The following VWC2L variants were observed in gnomAD, a reference collection of about 807,000 sequenced individuals.
The protein encoded by VWC2L is von Willebrand factor C domain-containing protein 2-like.
Under a neutral mutation model 21.6 loss-of-function variants are expected in VWC2L, and 10 were observed. That is an observed-to-expected ratio of 0.46 (90% CI 0.29 to 0.78). VWC2L has a LOEUF of 0.78. Among genes scored for constraint, VWC2L ranks in the 30% least tolerant of loss-of-function variants. The pLI is 0.10. For missense variants in VWC2L, 209 were observed against 277.1 expected (o/e 0.75, Z 1.74); for synonymous variants, 96 against 94.3 (o/e 1.02, Z -0.10).
intron 3 of VWC2L, among the ~76,000 whole-genome samples, chr2:214,476,994 T>C (rs1688534826): frequency 6.6e-6 from 1 of 152,158 alleles, no homozygotes; most frequent in African/African-American, 2.4e-5. Context: ...CTCAGGAAAC[T>C]AACTTTTATG....
intron 3 of VWC2L, among the ~76,000 whole-genome samples, chr2:214,565,514 G>A (rs1270423639): frequency 3.9e-5 from 6 of 152,016 alleles, no homozygotes; most frequent in African/African-American, 9.7e-5. Flanking sequence ...GTTTTCATTC[G>A]TCCTGCTTCT....
chr2:214,517,233 G>A (rs2105909122), intron 3 of VWC2L, among the ~76,000 whole-genome samples: 1 of 152,278 alleles, frequency 6.6e-6, no homozygotes, highest in South Asian at 2.1e-4. Context: ...CAGTACCCCA[G>A]ACTCTCAAGG....
intron 3 of VWC2L, among the ~76,000 whole-genome samples, chr2:214,468,203 G>C (rs1293629879): frequency 6.6e-6 from 1 of 152,134 alleles, no homozygotes; most frequent in Non-Finnish European, 1.5e-5. Flanking sequence ...TTTTATTAAA[G>C]ACGGAGTTTC....
intron 3 of VWC2L, among the ~76,000 whole-genome samples, chr2:214,551,262 A>G (rs772267980): frequency 1.3e-5 from 2 of 152,224 alleles, no homozygotes; most frequent in Non-Finnish European, 2.9e-5. Flanking sequence ...TATAAAGGAC[A>G]TTCAAGATAG....
intron 3 of VWC2L, among the ~76,000 whole-genome samples, chr2:214,451,196 C>T (rs990427995): frequency 1.3e-5 from 2 of 151,784 alleles, no homozygotes; most frequent in African/African-American, 4.8e-5. Context: ...CTTAACAAGG[C>T]CTCCAGAAAT....
At chr2:214,432,035 C>T (rs899433963) in intron 2 of VWC2L, among the ~76,000 whole-genome samples, 5 of 152,108 alleles carry the variant, frequency 3.3e-5, no homozygotes, top group African/African-American at 4.8e-5. Flanking sequence ...GACTCACAGT[C>T]GGAAACCTTT....
intron 3 of VWC2L, among the ~76,000 whole-genome samples, chr2:214,564,738 C>T (rs1690036028): frequency 6.6e-6 from 1 of 152,114 alleles, no homozygotes; most frequent in Admixed American, 6.5e-5. Context: ...TAAATGTATG[C>T]ATTGATTTAA....
chr2:214,445,262 GA>G (rs1702822054), intron 3 of VWC2L, among the ~76,000 whole-genome samples: 1 of 142,882 alleles, frequency 7.0e-6, no homozygotes, highest in Admixed American at 7.1e-5. Flanking sequence ...AATGAGAGAA[GA>G]ATTTTAAATG....
At chr2:214,502,076 G>C (rs554909493) in intron 3 of VWC2L, among the ~76,000 whole-genome samples, 19 of 152,344 alleles carry the variant, frequency 1.2e-4, no homozygotes, top group African/African-American at 3.6e-4. Flanking sequence ...TTTGGAGGTA[G>C]TTTGTCACAG....
At chr2:214,547,268 T>A (rs1689723518) in intron 3 of VWC2L, among the ~76,000 whole-genome samples, 1 of 152,076 alleles carries the variant, frequency 6.6e-6, no homozygotes, top group East Asian at 1.9e-4. Flanking sequence ...ATCCTCAAAC[T>A]TTTGAGTTTA....
intron 3 of VWC2L, among the ~76,000 whole-genome samples, chr2:214,538,458 G>A (rs1309066497): frequency 1.3e-5 from 2 of 152,090 alleles, no homozygotes; most frequent in East Asian, 1.9e-4. Context: ...AAGTAACTTC[G>A]TGGCTTCAAG....
At chr2:214,465,412 G>A (rs1465851012) in intron 3 of VWC2L, among the ~76,000 whole-genome samples, 2 of 152,182 alleles carry the variant, frequency 1.3e-5, no homozygotes, top group Non-Finnish European at 2.9e-5. Flanking sequence ...GACTCAGGGT[G>A]TGTCTAGAAA....
chr2:214,546,152 A>G (rs1325941831), intron 3 of VWC2L, among the ~76,000 whole-genome samples: 1 of 152,144 alleles, frequency 6.6e-6, no homozygotes, highest in African/African-American at 2.4e-5. Context: ...GCTCTAGGAA[A>G]TTAACTGGCC....
rs1319333239 is a variant in VWC2L at position 214,414,221 on chromosome 2, A to G, written c.28A>G (p.Ile10Val). The G allele has an allele frequency of 1.9e-6, 3 of 1,613,042 alleles. No homozygotes were observed. The highest frequency in any genetic ancestry group is 1.7e-5 in the Admixed American group (1 of 59,820). MALHIHEAC[I>V]LLLVIPGLVT... Reference sequence around the variant, plus strand: ...GGCTCTTCATATTCATGAAGCTTGCATACTTCTGTTGGTCATCCCTGGATT... The same window carrying G: ...GGCTCTTCATATTCATGAAGCTTGCGTACTTCTGTTGGTCATCCCTGGATT... Residue 10 changes from isoleucine to valine, a missense_variant, in exon 2 of 4, where the codon ATA (isoleucine) becomes GTA (valine). Transcript: ENST00000312504.
At chr2:214,427,716 T>G (rs1382546817) in intron 2 of VWC2L, among the ~76,000 whole-genome samples, 1 of 152,158 alleles carries the variant, frequency 6.6e-6, no homozygotes, top group Non-Finnish European at 1.5e-5. Flanking sequence ...AAGATACAAA[T>G]TTCTTACATA....
intron 3 of VWC2L, among the ~76,000 whole-genome samples, chr2:214,452,445 C>T (rs1313385423): frequency 6.6e-6 from 1 of 152,120 alleles, no homozygotes; most frequent in Non-Finnish European, 1.5e-5. Flanking sequence ...ATCAATGGTT[C>T]ATTCCTTTTT....
chr2:214,490,113 C>A (rs1251929838), intron 3 of VWC2L, among the ~76,000 whole-genome samples: 2 of 152,108 alleles, frequency 1.3e-5, no homozygotes, highest in Non-Finnish European at 2.9e-5. Context: ...AAATTCTGAG[C>A]TGATGATATA....
chr2:214,509,274 T>C (rs775009854), intron 3 of VWC2L, among the ~76,000 whole-genome samples: 9 of 152,184 alleles, frequency 5.9e-5, no homozygotes, highest in Admixed American at 5.9e-4. Flanking sequence ...CATGAGGCAA[T>C]TGATGAAATA....
intron 3 of VWC2L, among the ~76,000 whole-genome samples, chr2:214,491,496 G>T (rs116679386): frequency 1.4e-3 from 217 of 152,286 alleles, no homozygotes; most frequent in African/African-American, 4.9e-3. Context: ...GAATAGCTCT[G>T]CTTATCTCAA....
Sources: allele counts gnomAD v4.1 joint callset (sites outside exome capture counted in the v4.1 genomes callset), GRCh38; gene constraint gnomAD v4.1.1; transcripts MANE v1.5; gene names NCBI Gene and HGNC (gene_info 2026-07-23, HGNC 2026-07-21).